The following CCDC3 variants were observed in gnomAD, a reference collection of about 807,000 sequenced individuals.
CCDC3 encodes the protein coiled-coil domain containing 3, also known as coiled-coil domain-containing protein 3.
In CCDC3, 24 loss-of-function variants were observed where a neutral mutation model predicts 21.4. The ratio of observed to expected loss-of-function variants is 1.12; its 90% confidence interval spans 0.81 to 1.58. The LOEUF (loss-of-function observed/expected upper bound fraction) is 1.58, where lower values mean the gene tolerates loss of function less well. CCDC3 is among the 40% of genes most tolerant of loss of function. The pLI is 0.00. For synonymous variants in CCDC3, 186 were observed against 166.0 expected (o/e 1.12, Z -0.93); for missense variants, 425 against 360.9 (o/e 1.18, Z -1.44).
intron 4 of CCDC3, among the ~76,000 whole-genome samples, chr10:13,067,302 G>T (rs1227609037): frequency 6.6e-6 from 1 of 152,126 alleles, no homozygotes; most frequent in Non-Finnish European, 1.5e-5. Context: ...AGAGTAAGAG[G>T]TATTTTCCCC....
At chr10:12,940,684 C>T (rs1454870142) in intron 2 of CCDC3, among the ~76,000 whole-genome samples, 1 of 137,644 alleles carries the variant, frequency 7.3e-6, no homozygotes, top group Non-Finnish European at 1.6e-5. Flanking sequence ...GTCAATCATA[C>T]GTAAGAGGTA....
chr10:12,964,412 T>C (rs1835228409), intron 2 of CCDC3, among the ~76,000 whole-genome samples: 1 of 152,000 alleles, frequency 6.6e-6, no homozygotes, highest in Non-Finnish European at 1.5e-5. Context: ...TTTTCTGTTC[T>C]TTATAAAAGC....
intron 4 of CCDC3, among the ~76,000 whole-genome samples, chr10:13,067,576 G>A (rs769258164): frequency 1.8e-4 from 27 of 152,090 alleles, no homozygotes; most frequent in Admixed American, 4.6e-4. Flanking sequence ...CCTCCATCTT[G>A]TTTTAGGGAG....
chr10:13,048,958 A>G (rs1200830896), intron 5 of CCDC3, among the ~76,000 whole-genome samples: 2 of 152,130 alleles, frequency 1.3e-5, no homozygotes, highest in Non-Finnish European at 2.9e-5. Flanking sequence ...AGAGTTGGCT[A>G]CATAGTCATG....
intron 2 of CCDC3, among the ~76,000 whole-genome samples, chr10:12,974,980 C>T (rs4750292): frequency 0.027 from 4,056 of 152,214 alleles, 137 homozygotes; most frequent in East Asian, 0.12. Context: ...GGAATTATGC[C>T]CACCTCACAT....
At chr10:12,908,054 T>C (rs1487117134) in intron 2 of CCDC3, among the ~76,000 whole-genome samples, 11 of 152,158 alleles carry the variant, frequency 7.2e-5, no homozygotes, top group African/African-American at 7.2e-5. Flanking sequence ...TCAGGAAACA[T>C]TGAGCTGTCT....
At chr10:12,902,191 A>G (rs1181058881) in intron 2 of CCDC3, among the ~76,000 whole-genome samples, 4 of 152,204 alleles carry the variant, frequency 2.6e-5, no homozygotes, top group Admixed American at 6.5e-5. Flanking sequence ...TACAGTTAAG[A>G]AAAAGGAGCC....
intron 2 of CCDC3, among the ~76,000 whole-genome samples, chr10:12,988,954 C>T (rs2131278383): frequency 6.6e-6 from 1 of 152,324 alleles, no homozygotes; most frequent in Non-Finnish European, 1.5e-5. Context: ...AGTTAATAGC[C>T]TTCACCTAGA....
At chr10:12,983,567 C>G (rs1835539488) in intron 2 of CCDC3, among the ~76,000 whole-genome samples, 1 of 146,910 alleles carries the variant, frequency 6.8e-6, no homozygotes, top group Non-Finnish European at 1.5e-5. Flanking sequence ...GTGAAACCCT[C>G]TCTCAAGAAA....
At chr10:12,968,202 T>TACACAC (rs71386134) in intron 2 of CCDC3, among the ~76,000 whole-genome samples, 47 of 143,584 alleles carry the variant, frequency 3.3e-4, no homozygotes, top group East Asian at 1.4e-3. Context: ...CACACACACA[T>TACACAC]ACACACACAC....
chr10:13,034,196 C>T (rs539915605), intron 5 of CCDC3, among the ~76,000 whole-genome samples: 11 of 152,110 alleles, frequency 7.2e-5, no homozygotes, highest in South Asian at 2.1e-4. Flanking sequence ...TTTGTAGGGA[C>T]GTGGATGAAG....
At chr10:13,029,096 C>A (rs1564325782) in intron 5 of CCDC3, among the ~76,000 whole-genome samples, 2 of 152,148 alleles carry the variant, frequency 1.3e-5, no homozygotes, top group Admixed American at 6.5e-5. Flanking sequence ...AGGATGCCAG[C>A]CTTGGCAATG....
intron 5 of CCDC3, among the ~76,000 whole-genome samples, chr10:13,010,125 G>C (rs1209114225): frequency 6.6e-6 from 1 of 152,126 alleles, no homozygotes; most frequent in Non-Finnish European, 1.5e-5. Context: ...GCATGTGCCT[G>C]TAGTCCCAGC....
intron 2 of CCDC3, among the ~76,000 whole-genome samples, chr10:12,909,328 G>A (rs1246440957): frequency 6.6e-6 from 1 of 152,168 alleles, no homozygotes; most frequent in Non-Finnish European, 1.5e-5. Flanking sequence ...TGGCATCCCA[G>A]GCTGCAGGGG....
intron 5 of CCDC3, among the ~76,000 whole-genome samples, chr10:13,014,449 C>CAAA (rs1192908484): frequency 2.8e-5 from 1 of 36,324 alleles, no homozygotes. Flanking sequence ...GACTCTGTCT[C>CAAA]AAAAAAAAGA....
chr10:13,018,895 C>A (rs1347442188), intron 5 of CCDC3, among the ~76,000 whole-genome samples: 1 of 151,588 alleles, frequency 6.6e-6, no homozygotes, highest in East Asian at 1.9e-4. Flanking sequence ...CGAGATCATG[C>A]CGTTGCACTC....
intron 2 of CCDC3, among the ~76,000 whole-genome samples, chr10:12,975,839 A>G (rs1835409701): frequency 6.6e-6 from 1 of 152,172 alleles, no homozygotes; most frequent in Non-Finnish European, 1.5e-5. Flanking sequence ...CCCAAATTGC[A>G]GGTGTAAAAT....
At chr10:12,912,380 T>C (rs1834283058) in intron 2 of CCDC3, among the ~76,000 whole-genome samples, 1 of 152,230 alleles carries the variant, frequency 6.6e-6, no homozygotes, top group Non-Finnish European at 1.5e-5. Context: ...TTAGTGATGT[T>C]GAACATTTCT....
intron 3 of CCDC3, among the ~76,000 whole-genome samples, chr10:13,078,898 A>T (rs1184435415): frequency 6.6e-6 from 1 of 152,096 alleles, no homozygotes; most frequent in East Asian, 1.9e-4. Flanking sequence ...CATTAGGAGA[A>T]ATACCTAATG....
Sources: gnomAD v4.1 joint callset for allele counts (sites outside exome capture counted in the v4.1 genomes callset) on GRCh38, gnomAD v4.1.1 for gene constraint, MANE v1.5 for transcripts, NCBI Gene and HGNC (gene_info 2026-07-23, HGNC 2026-07-21) for gene names.